Variants in BEND7 observed in about 807,000 individuals in gnomAD.
The protein encoded by BEND7 is BEN domain containing 7, also known as BEN domain-containing protein 7.
A neutral mutation model predicts 50.9 loss-of-function variants in BEND7; 28 were observed. The ratio of observed to expected loss-of-function variants is 0.55; its 90% CI spans 0.41 to 0.75. BEND7 has a LOEUF of 0.75. Ranked by LOEUF, BEND7 falls within the 30% of genes least tolerant of loss-of-function variation. The pLI is 0.00. For missense variants in BEND7, 477 were observed against 491.3 expected (o/e 0.97, Z 0.28); for synonymous variants, 170 against 183.9 (o/e 0.92, Z 0.61).
At chr10:13,450,110 A>G (rs1047519599) in intron 7 of BEND7, among the ~76,000 whole-genome samples, 1 of 152,262 alleles carries the variant, frequency 6.6e-6, no homozygotes, top group Non-Finnish European at 1.5e-5. Context: ...TAGAATAAAA[A>G]TTATTCCATG....
intron 6 of BEND7, among the ~76,000 whole-genome samples, chr10:13,467,709 G>A (rs1457565054): frequency 6.6e-6 from 1 of 152,140 alleles, no homozygotes; most frequent in Non-Finnish European, 1.5e-5. Flanking sequence ...AACTTGTCAT[G>A]GAGAAGTTGT....
intron 1 of BEND7, 125 bp downstream of exon 1, chr10:13,528,348 G>A: frequency 3.6e-6 from 1 of 275,444 alleles, no homozygotes; most frequent in Non-Finnish European, 5.5e-6. Context: ...CCAGCCCGGC[G>A]GAGGCACCGG....
At chr10:13,525,072 G>A (rs184619922) in intron 2 of BEND7, among the ~76,000 whole-genome samples, 147 of 152,274 alleles carry the variant, frequency 9.7e-4, no homozygotes, top group African/African-American at 3.4e-3. Context: ...TGGGGTAATT[G>A]TGGCTTTGCT....
intron 6 of BEND7, among the ~76,000 whole-genome samples, chr10:13,453,823 G>A (rs772642540): frequency 2.6e-5 from 4 of 152,158 alleles, no homozygotes; most frequent in African/African-American, 4.8e-5. Flanking sequence ...AGTGCAAACA[G>A]GGAAAACCCT....
intron 6 of BEND7, among the ~76,000 whole-genome samples, chr10:13,455,151 G>A (rs981943357): frequency 6.6e-6 from 1 of 152,130 alleles, no homozygotes; most frequent in Non-Finnish European, 1.5e-5. Context: ...CAGCCTGGGT[G>A]ACAGAGCAAG....
At chr10:13,473,781 G>T (rs1350635157) in intron 6 of BEND7, among the ~76,000 whole-genome samples, 3 of 148,500 alleles carry the variant, frequency 2.0e-5, no homozygotes, top group Non-Finnish European at 4.5e-5. Flanking sequence ...AGACTTGGGG[G>T]TGATACTCAT....
At chr10:13,472,945 T>TA (rs1197382899) in intron 6 of BEND7, among the ~76,000 whole-genome samples, 1 of 152,080 alleles carries the variant, frequency 6.6e-6, no homozygotes, top group Non-Finnish European at 1.5e-5. Flanking sequence ...TCATCACTGT[T>TA]AGACTCAGGG....
downstream of BEND7, chr10:13,439,639 C>T (rs1835090328): frequency 1.3e-6 from 1 of 766,572 alleles, no homozygotes. Flanking sequence ...TTGGTGTCAG[C>T]TTTGACACAT....
rs1391574298 is a variant in BEND7, at chr10:13,528,598, CA to C, written c.-66del. 34 of 828,084 alleles carry C rather than the reference CA, an allele frequency of 4.1e-5. No individual in the cohort carries two copies. In the African/African-American group the frequency reaches 6.0e-4, roughly 15 times the overall value. The allele number at this position is 828,084 out of a possible 1,614,324, so 51.3% of individuals were successfully genotyped here. On this transcript the variant is annotated 5_prime_UTR_variant, in exon 1 of 9. Coordinates refer to ENST00000466271, the MANE Select transcript of BEND7 (RefSeq NM_001369863.1). The stretch of plus-strand genomic sequence containing the variant: ...GCAGCGGCGGCAGCGGCAGCGGCGG[CA>C]GCGGCAGCGGCGGCGCGGGCTCGTG...
Position 13,441,440 on chromosome 10 carries a change from TCATC to T in BEND7, c.*299_*302del. On this transcript the variant is annotated 3_prime_UTR_variant, in exon 9 of 9. Transcript: ENST00000466271. ...ACGTATTTCCAGTGTGTAGATCCGT[TCATC>T]GCACACATCTTTGGGTTGAACAAGC... The T allele has an allele frequency of 5.2e-6, 6 of 1,153,278 alleles. No individual in the cohort carries two copies. Among genetic ancestry groups the T allele is most frequent in the Admixed American group, 5.1e-5 (1 of 19,548 alleles). 71.4% of individuals were successfully genotyped at this position (1,153,278 alleles called of 1,614,324 possible). A position where few individuals can be genotyped will look rare whatever the true frequency, so the allele number is the denominator to read the frequency against.
chr10:13,526,006 A>G (rs1029033142), intron 2 of BEND7, 132 bp downstream of exon 2: 16 of 370,908 alleles, frequency 4.3e-5, no homozygotes, highest in Non-Finnish European at 5.9e-5. Flanking sequence ...CTGTAAAATA[A>G]AAGGTCTTGA....
intron 2 of BEND7, among the ~76,000 whole-genome samples, chr10:13,501,374 C>CAAA (rs58905816): frequency 2.7e-5 from 2 of 72,938 alleles, no homozygotes; most frequent in Admixed American, 1.6e-4. Flanking sequence ...AACTCCATCT[C>CAAA]AAAAAAAAAA....
At chr10:13,464,526 C>T (rs1588723392) in intron 6 of BEND7, among the ~76,000 whole-genome samples, 1 of 152,064 alleles carries the variant, frequency 6.6e-6, no homozygotes, top group East Asian at 1.9e-4. Flanking sequence ...CACACCAACT[C>T]CATTACTCTG....
intron 6 of BEND7, among the ~76,000 whole-genome samples, chr10:13,457,079 C>T (rs552129790): frequency 6.3e-4 from 96 of 152,318 alleles, no homozygotes; most frequent in African/African-American, 2.2e-3. Context: ...AGCAGGTACA[C>T]ATCTCCCCCC....
intron 2 of BEND7, among the ~76,000 whole-genome samples, chr10:13,513,805 G>A (rs564836076): frequency 2.7e-4 from 41 of 152,332 alleles, no homozygotes; most frequent in Admixed American, 7.2e-4. Flanking sequence ...GAGAGGCTGG[G>A]CCTCCTTGCT....
chr10:13,467,555 T>C (rs2074378175), intron 6 of BEND7, among the ~76,000 whole-genome samples: 1 of 152,222 alleles, frequency 6.6e-6, no homozygotes, highest in African/African-American at 2.4e-5. Flanking sequence ...CTTGGCTTTT[T>C]TATTTTAGAT....
chr10:13,457,729 G>A (rs1240601975), intron 6 of BEND7, among the ~76,000 whole-genome samples: 1 of 152,184 alleles, frequency 6.6e-6, no homozygotes, highest in Admixed American at 6.5e-5. Context: ...GTATTGGGGA[G>A]ACAGAATGCA....
chr10:13,488,216 C>T (rs1038779308), intron 5 of BEND7, among the ~76,000 whole-genome samples: 1 of 150,704 alleles, frequency 6.6e-6, no homozygotes, highest in Non-Finnish European at 1.5e-5. Context: ...TTTATAGTAA[C>T]TACAACAGAT....
chr10:13,458,502 G>A (rs1244253084), intron 6 of BEND7, among the ~76,000 whole-genome samples: 1 of 152,230 alleles, frequency 6.6e-6, no homozygotes, highest in Admixed American at 6.5e-5. Flanking sequence ...GGGGTAGGTG[G>A]GAAGAGCTTT....
Sources: gnomAD v4.1 joint callset for allele counts (sites outside exome capture counted in the v4.1 genomes callset) on GRCh38, gnomAD v4.1.1 for gene constraint, MANE v1.5 for transcripts, NCBI Gene and HGNC (gene_info 2026-07-23, HGNC 2026-07-21) for gene names.